The following RCOR1 variants were observed in gnomAD, a reference collection of about 807,000 sequenced individuals.
The protein encoded by RCOR1 is REST corepressor.
In RCOR1, 12 loss-of-function variants were observed where a neutral mutation model predicts 64.0. The ratio of observed to expected loss-of-function variants is 0.19; its 90% CI spans 0.12 to 0.30. RCOR1 has a LOEUF of 0.30. Ranked by LOEUF, RCOR1 falls within the 10% of genes least tolerant of loss-of-function variation. The pLI is 1.00. For synonymous variants in RCOR1, 279 were observed against 227.2 expected, an observed-to-expected ratio of 1.23 and a Z score of -2.05; for missense variants, 502 against 621.2, an observed-to-expected ratio of 0.81 and a Z score of 2.04.
intron 3 of RCOR1, among the ~76,000 whole-genome samples, chr14:102,688,549 G>C (rs548979514): frequency 6.6e-6 from 1 of 152,262 alleles, no homozygotes; most frequent in Admixed American, 6.5e-5. Context: ...CAGAGAAGTT[G>C]ATTGCCTAAC....
At position 102,649,927 on chromosome 14, in the gene RCOR1, C is replaced by T. The variant is rs567845865; in HGVS notation, c.362-31968C>T. 9.8e-5 allele frequency: 27 copies of T among 274,828 alleles called. 1 individual carries two copies. The highest frequency in any genetic ancestry group is 5.2e-4 in the Admixed American group (8 of 15,362). 17.0% of individuals were successfully genotyped at this position (274,828 alleles called of 1,614,324 possible). ...AATCATAGTGGCCTTGGGCCGGGCG[C>T]GGTGGCTCACACCTGTAATCCCAGC... On this transcript the variant is annotated intron_variant, in intron 2 of 11. Coordinates refer to ENST00000262241, the MANE Select transcript of RCOR1 (RefSeq NM_015156.4).
intron 11 of RCOR1, among the ~76,000 whole-genome samples, chr14:102,723,619 T>A (rs1170133032): frequency 6.6e-6 from 1 of 152,248 alleles, no homozygotes; most frequent in Non-Finnish European, 1.5e-5. Context: ...TGATGGTGTT[T>A]TTATCTTTCA....
chr14:102,712,947 G>GTTTTTT (rs67246962), intron 7 of RCOR1, among the ~76,000 whole-genome samples: 8 of 77,706 alleles, frequency 1.0e-4, no homozygotes, highest in Non-Finnish European at 1.9e-4. Context: ...CTAAATCATT[G>GTTTTTT]TTTTTTTTTT....
chr14:102,688,080 C>T (rs566419767), intron 3 of RCOR1, among the ~76,000 whole-genome samples: 79 of 151,616 alleles, frequency 5.2e-4, no homozygotes, highest in Non-Finnish European at 1.0e-3. Context: ...AGTTCTCCTG[C>T]TTCAGCCCTG....
chr14:102,597,695 G>A (rs1468969653), intron 2 of RCOR1, among the ~76,000 whole-genome samples: 1 of 143,688 alleles, frequency 7.0e-6, no homozygotes, highest in Non-Finnish European at 1.5e-5. Flanking sequence ...GGAGTGCAGT[G>A]GCACAATCAG....
At chr14:102,603,958 G>A (rs1231823734) in intron 2 of RCOR1, among the ~76,000 whole-genome samples, 3 of 151,888 alleles carry the variant, frequency 2.0e-5, no homozygotes, top group Non-Finnish European at 4.4e-5. Flanking sequence ...TATGTTTTTT[G>A]TTTTTTCTTT....
chr14:102,620,552 G>A (rs1426973953), intron 2 of RCOR1, among the ~76,000 whole-genome samples: 2 of 152,066 alleles, frequency 1.3e-5, no homozygotes, highest in South Asian at 2.1e-4. Context: ...CAACAAGAGC[G>A]AAACCGTCTC....
chr14:102,623,169 G>T (rs1226885124), intron 2 of RCOR1, among the ~76,000 whole-genome samples: 1 of 151,798 alleles, frequency 6.6e-6, no homozygotes, highest in Admixed American at 6.6e-5. Context: ...TGTATTTATT[G>T]ATATATCTGT....
chr14:102,721,460 G>A (rs772382458), intron 10 of RCOR1, 83 bp downstream of exon 10: 49 of 992,998 alleles, frequency 4.9e-5, no homozygotes, highest in Non-Finnish European at 6.3e-5. Context: ...GAAGGTTGAC[G>A]CATTTGCTTG....
chr14:102,626,093 C>T (rs1181215831), intron 2 of RCOR1, among the ~76,000 whole-genome samples: 1 of 152,180 alleles, frequency 6.6e-6, no homozygotes, highest in African/African-American at 2.4e-5. Flanking sequence ...TTCCAGCATC[C>T]CTGTGATCTT....
chr14:102,672,997 A>G (rs1036795741), intron 2 of RCOR1, among the ~76,000 whole-genome samples: 1 of 152,222 alleles, frequency 6.6e-6, no homozygotes, highest in African/African-American at 2.4e-5. Context: ...TCATACAGTG[A>G]AGGGTTTCTC....
chr14:102,687,978 T>A (rs1256808274), intron 3 of RCOR1, among the ~76,000 whole-genome samples: 4 of 151,460 alleles, frequency 2.6e-5, no homozygotes, highest in Non-Finnish European at 4.4e-5. Context: ...TTTTTTTTTT[T>A]TTTTTGAGAT....
At chr14:102,683,587 G>C (rs953076822) in intron 3 of RCOR1, among the ~76,000 whole-genome samples, 1 of 152,230 alleles carries the variant, frequency 6.6e-6, no homozygotes, top group African/African-American at 2.4e-5. Context: ...GCTTCCCCGG[G>C]GGTCCCAAGC....
intron 3 of RCOR1, among the ~76,000 whole-genome samples, chr14:102,685,913 T>G (rs900808853): frequency 3.3e-5 from 5 of 151,642 alleles, no homozygotes; most frequent in African/African-American, 1.2e-4. Flanking sequence ...GCAACATAGA[T>G]CTCCCCTCTA....
At chr14:102,675,727 A>G (rs964550040) in intron 2 of RCOR1, among the ~76,000 whole-genome samples, 16 of 152,202 alleles carry the variant, frequency 1.1e-4, no homozygotes, top group Admixed American at 4.6e-4. Context: ...CACCACCACA[A>G]TTAGGATACC....
At chr14:102,640,448 G>A (rs1894343180) in intron 2 of RCOR1, among the ~76,000 whole-genome samples, 1 of 152,108 alleles carries the variant, frequency 6.6e-6, no homozygotes, top group South Asian at 2.1e-4. Flanking sequence ...AGGTATCTTG[G>A]GTAGTTCTTC....
chr14:102,679,703 C>T (rs1293320158), intron 2 of RCOR1, among the ~76,000 whole-genome samples: 1 of 152,138 alleles, frequency 6.6e-6, no homozygotes, highest in African/African-American at 2.4e-5. Flanking sequence ...TGGTCTTGAT[C>T]CCCTGACTTC....
At chr14:102,706,849 A>T (rs780053415) in intron 4 of RCOR1, among the ~76,000 whole-genome samples, 6 of 150,550 alleles carry the variant, frequency 4.0e-5, no homozygotes, top group Non-Finnish European at 7.4e-5. Flanking sequence ...ATAATAATAA[A>T]TTTTTTAAAA....
chr14:102,682,290 C>T (rs991917340), intron 3 of RCOR1, among the ~76,000 whole-genome samples: 1 of 152,112 alleles, frequency 6.6e-6, no homozygotes, highest in Non-Finnish European at 1.5e-5. Flanking sequence ...TTACCACACC[C>T]AGCTAATTTT....
Sources: allele counts gnomAD v4.1 joint callset (sites outside exome capture counted in the v4.1 genomes callset), GRCh38; gene constraint gnomAD v4.1.1; transcripts MANE v1.5; gene names NCBI Gene and HGNC (gene_info 2026-07-23, HGNC 2026-07-21).